The following CD2AP variants were observed in gnomAD, a reference collection of about 807,000 sequenced individuals.
CD2AP encodes CD2 associated protein, also known as CD2-associated protein.
In CD2AP, 46 loss-of-function variants were observed where a neutral mutation model predicts 85.1. That is an observed-to-expected ratio of 0.54 (90% confidence interval 0.43 to 0.69). The LOEUF is 0.69. Ranked by LOEUF, CD2AP falls within the 30% of genes least tolerant of loss-of-function variation. The pLI is 0.00. For synonymous variants in CD2AP, 255 were observed against 252.9 expected, an observed-to-expected ratio of 1.01 and a Z score of -0.08; for missense variants, 769 against 729.5, an observed-to-expected ratio of 1.05 and a Z score of -0.62.
At chr6:47,558,091 G>A (rs1767745071) in intron 5 of CD2AP, among the ~76,000 whole-genome samples, 1 of 152,106 alleles carries the variant, frequency 6.6e-6, no homozygotes, top group South Asian at 2.1e-4. Context: ...TGTAGCCATT[G>A]TGAATGGGAG....
At chr6:47,522,951 G>T (rs1562014623) in intron 2 of CD2AP, among the ~76,000 whole-genome samples, 1 of 151,844 alleles carries the variant, frequency 6.6e-6, no homozygotes, top group Non-Finnish European at 1.5e-5. Context: ...CATTGATTTA[G>T]AAAAAAATTC....
intron 16 of CD2AP, among the ~76,000 whole-genome samples, chr6:47,610,973 T>TATATATATATATATATA (rs1454709863): frequency 2.5e-3 from 74 of 29,986 alleles, no homozygotes; most frequent in East Asian, 5.4e-3. Context: ...ATATATGTAT[T>TATATATATATATATATA]TTTTTTTTTT....
In CD2AP at chr6:47,492,290, A is replaced by G. The variant is rs1216465991; in HGVS notation, c.5-10990A>G. On this transcript the variant is annotated intron_variant, in intron 1 of 17. Coordinates refer to ENST00000359314, the MANE Select transcript of CD2AP (RefSeq NM_012120.3). ...ATTTGGTGTCTAGTGAGGAAAGTTC[A>G]AAGATGGTGCCTTTTTGGTACATGG... Among the ~76,000 whole-genome samples the G allele has an allele frequency of 3.9e-5, 6 of 152,178 alleles. No homozygotes were observed. The East Asian group carries it at 1.2e-3, about 29-fold the overall frequency.
At chr6:47,495,040 A>G (rs1259368678) in intron 1 of CD2AP, among the ~76,000 whole-genome samples, 1 of 152,008 alleles carries the variant, frequency 6.6e-6, no homozygotes, top group African/African-American at 2.4e-5. Context: ...GTGCACCCCT[A>G]TAGTCCCAGC....
intron 17 of CD2AP, among the ~76,000 whole-genome samples, chr6:47,621,029 CTTTA>C (rs1338474484): frequency 1.3e-5 from 2 of 152,090 alleles, no homozygotes; most frequent in Admixed American, 6.6e-5. Flanking sequence ...TTTGGATGCC[CTTTA>C]TTTATTTCTC....
intron 11 of CD2AP, among the ~76,000 whole-genome samples, chr6:47,587,373 G>A (rs2114116515): frequency 6.6e-6 from 1 of 152,244 alleles, no homozygotes; most frequent in Middle Eastern, 3.4e-3. Flanking sequence ...GGACTCTTAA[G>A]TGATTCCCCG....
intron 14 of CD2AP, among the ~76,000 whole-genome samples, chr6:47,607,096 A>C (rs1230398766): frequency 6.6e-6 from 1 of 150,802 alleles, no homozygotes; most frequent in African/African-American, 2.4e-5. Flanking sequence ...CACTTAACAT[A>C]ATGAACTCTA....
intron 2 of CD2AP, among the ~76,000 whole-genome samples, chr6:47,515,561 TAAC>T (rs1273795575): frequency 6.6e-6 from 1 of 152,224 alleles, no homozygotes; most frequent in Non-Finnish European, 1.5e-5. Flanking sequence ...TGATCATAGT[TAAC>T]TCTATGACAG....
intron 1 of CD2AP, among the ~76,000 whole-genome samples, chr6:47,491,843 A>T (rs1359186605): frequency 6.6e-6 from 1 of 152,132 alleles, no homozygotes. Flanking sequence ...ATTAACAACT[A>T]GTAAACCCAT....
At position 47,478,210 on chromosome 6, in the gene CD2AP, G is replaced by T; in HGVS notation, c.-35G>T. 6.4e-7 allele frequency: 1 copy of T among 1,564,634 alleles called. No homozygotes were observed. Among genetic ancestry groups the T allele is most frequent in the Non-Finnish European group, 8.7e-7 (1 of 1,155,252 alleles). The stretch of plus-strand genomic sequence containing the variant: ...CACCACTGGAGGAGGAGGAGGAGGA[G>T]CGGACGTCGGCTTCTCCCCGCGGGA... On this transcript the variant is annotated 5_prime_UTR_variant, in exon 1 of 18. Coordinates refer to ENST00000359314, the MANE Select transcript of CD2AP (RefSeq NM_012120.3).
chr6:47,538,868 T>C (rs978791148), intron 3 of CD2AP, among the ~76,000 whole-genome samples: 2 of 152,230 alleles, frequency 1.3e-5, no homozygotes, highest in South Asian at 2.1e-4. Context: ...AAATTAGAGA[T>C]TTTCTGTTTT....
intron 8 of CD2AP, among the ~76,000 whole-genome samples, chr6:47,579,122 A>AG (rs1333221203): frequency 1.3e-5 from 2 of 152,326 alleles, no homozygotes; most frequent in Admixed American, 1.3e-4. Context: ...AGTTCCAGCC[A>AG]GGCACAGTGG....
rs142521665 is a variant in CD2AP, at chr6:47,604,974, C to A, written c.1418-1191C>A. ...CCGAACAGTGATGCCTTTTTTTCTG[C>A]CTTACCTTTGTGTCCTCCATCCCTT... On this transcript the variant is annotated intron_variant, in intron 13 of 17. Transcript: ENST00000359314. Among the ~76,000 whole-genome samples the A allele has an allele frequency of 1.9e-3, 295 of 151,946 alleles. 1 individual carries two copies. Among genetic ancestry groups the A allele is most frequent in the African/African-American group, 6.8e-3 (283 of 41,506 alleles).
chr6:47,505,011 C>CTGTTTTTT (rs1766095549), intron 2 of CD2AP, among the ~76,000 whole-genome samples: 2 of 95,136 alleles, frequency 2.1e-5, no homozygotes, highest in Admixed American at 1.3e-4. Context: ...GTGGCAGTTT[C>CTGTTTTTT]TTTTTTTTTT....
intron 2 of CD2AP, among the ~76,000 whole-genome samples, chr6:47,512,085 G>A (rs1332983520): frequency 1.3e-5 from 2 of 152,172 alleles, no homozygotes; most frequent in Admixed American, 1.3e-4. Flanking sequence ...GTGAAGCCGG[G>A]AGGCGGAGCT....
intron 14 of CD2AP, among the ~76,000 whole-genome samples, 200 bp downstream of exon 14, chr6:47,606,477 A>G (rs189719832): frequency 7.6e-4 from 115 of 152,130 alleles, no homozygotes; most frequent in Non-Finnish European, 7.5e-4. Flanking sequence ...AAGGTTACAG[A>G]ATCAGAAGGA....
At chr6:47,560,212 T>C (rs1767817720) in intron 5 of CD2AP, among the ~76,000 whole-genome samples, 1 of 152,182 alleles carries the variant, frequency 6.6e-6, no homozygotes, top group Non-Finnish European at 1.5e-5. Context: ...TCACCTTCTA[T>C]CTAGATATCT....
At chr6:47,561,843 C>T (rs1173399709) in intron 5 of CD2AP, among the ~76,000 whole-genome samples, 4 of 152,098 alleles carry the variant, frequency 2.6e-5, no homozygotes, top group African/African-American at 9.7e-5. Context: ...TGCAGTGGCG[C>T]GATCTTGGCT....
chr6:47,543,261 G>A (rs1276621683), intron 3 of CD2AP, among the ~76,000 whole-genome samples: 9 of 151,710 alleles, frequency 5.9e-5, no homozygotes, highest in African/African-American at 1.5e-4. Context: ...GGTGGGCTTC[G>A]TGGATGAAAG....
Sources: gnomAD v4.1 joint callset for allele counts (sites outside exome capture counted in the v4.1 genomes callset) on GRCh38, gnomAD v4.1.1 for gene constraint, MANE v1.5 for transcripts, NCBI Gene and HGNC (gene_info 2026-07-23, HGNC 2026-07-21) for gene names.